Variants in GABRA2 observed in about 807,000 individuals in gnomAD.
The protein encoded by GABRA2 is gamma-aminobutyric acid type A receptor subunit alpha2.
GABRA2 carries 16 observed loss-of-function variants against 48.7 expected under a neutral mutation model. The observed-to-expected ratio is 0.33, with a 90% CI of 0.22 to 0.50. The LOEUF (loss-of-function observed/expected upper bound fraction) is 0.50, where lower values mean the gene tolerates loss of function less well. Among genes scored for constraint, GABRA2 ranks in the 20% least tolerant of loss-of-function variants. The pLI, the probability that GABRA2 is intolerant of heterozygous loss-of-function variation, is 0.98. For synonymous variants in GABRA2, 185 were observed against 184.5 expected (o/e 1.00, Z -0.02); for missense variants, 275 against 535.6 (o/e 0.51, Z 4.80).
At chr4:46,307,227 C>T (rs544021210) in intron 6 of GABRA2, among the ~76,000 whole-genome samples, 3 of 150,608 alleles carry the variant, frequency 2.0e-5, no homozygotes, top group South Asian at 4.2e-4. Flanking sequence ...TTGATTACAC[C>T]GAGAACATTA....
intron 3 of GABRA2, among the ~76,000 whole-genome samples, chr4:46,337,476 T>C (rs1732454145): frequency 6.6e-6 from 1 of 152,024 alleles, no homozygotes; most frequent in Admixed American, 6.6e-5. Context: ...AATACGAATG[T>C]TGTCTTTATA....
chr4:46,299,312 CTTCA>C (rs1272618177), intron 8 of GABRA2, among the ~76,000 whole-genome samples: 1 of 151,730 alleles, frequency 6.6e-6, no homozygotes, highest in East Asian at 1.9e-4. Flanking sequence ...TTACTATCCT[CTTCA>C]TTCACTCCTC....
chr4:46,327,611 C>T (rs1730613344), intron 4 of GABRA2, among the ~76,000 whole-genome samples: 1 of 152,022 alleles, frequency 6.6e-6, no homozygotes, highest in Non-Finnish European at 1.5e-5. Flanking sequence ...AGATTAAGTT[C>T]AGTGTCAATT....
chr4:46,279,278 T>C (rs1010933246), intron 8 of GABRA2, among the ~76,000 whole-genome samples: 1 of 152,152 alleles, frequency 6.6e-6, no homozygotes, highest in Non-Finnish European at 1.5e-5. Context: ...TTAACTCCCG[T>C]TGAATTGATG....
intron 3 of GABRA2, among the ~76,000 whole-genome samples, chr4:46,348,743 G>A (rs554841136): frequency 7.2e-6 from 1 of 139,566 alleles, no homozygotes; most frequent in East Asian, 2.2e-4. Context: ...CATGGACACA[G>A]GAAGGGGAAC....
intron 2 of GABRA2, chr4:46,386,746 G>A (rs1483212463): frequency 1.3e-5 from 2 of 153,408 alleles, no homozygotes; most frequent in Admixed American, 6.5e-5. Flanking sequence ...TGCAATATAA[G>A]CATCAGGGAA....
chr4:46,325,388 A>C (rs1378212735), intron 4 of GABRA2, among the ~76,000 whole-genome samples: 1 of 151,968 alleles, frequency 6.6e-6, no homozygotes, highest in Non-Finnish European at 1.5e-5. Flanking sequence ...TGTCATTTTA[A>C]GAAATGTCCT....
At chr4:46,356,885 G>A (rs935174451) in intron 3 of GABRA2, among the ~76,000 whole-genome samples, 2 of 152,120 alleles carry the variant, frequency 1.3e-5, no homozygotes, top group South Asian at 2.1e-4. Flanking sequence ...TGTGACAAGA[G>A]GGATTGGGAA....
In GABRA2 at chr4:46,329,511, T is replaced by C. The variant is rs117400406; in HGVS notation, c.255+3104A>G. Among the ~76,000 whole-genome samples, 10 of 152,236 alleles carry C rather than the reference T, an allele frequency of 6.6e-5. No individual in the cohort carries two copies. The East Asian group carries it at 1.7e-3, about 27-fold the overall frequency. On this transcript the variant is annotated intron_variant, in intron 4 of 9. Coordinates refer to ENST00000381620, the MANE Select transcript of GABRA2 (RefSeq NM_000807.4). ...TAGCTGCACGTTCCTGTAGCAGCAG[T>C]ATCCCTCCAGTGAGGTCAGAATTCA...
At chr4:46,296,887 T>C (rs916394823) in intron 8 of GABRA2, among the ~76,000 whole-genome samples, 2 of 152,324 alleles carry the variant, frequency 1.3e-5, no homozygotes, top group Middle Eastern at 3.4e-3. Context: ...TTTTCGTTTT[T>C]CATGCTGTAC....
intron 3 of GABRA2, among the ~76,000 whole-genome samples, chr4:46,380,944 G>C (rs189344526): frequency 1.1e-3 from 165 of 152,302 alleles, no homozygotes; most frequent in African/African-American, 3.7e-3. Flanking sequence ...CTAAGTCTGT[G>C]TTCAGACCTC....
intron 3 of GABRA2, among the ~76,000 whole-genome samples, chr4:46,349,646 C>A (rs2109899598): frequency 6.6e-6 from 1 of 152,014 alleles, no homozygotes; most frequent in Non-Finnish European, 1.5e-5. Flanking sequence ...GCCTTGTTGG[C>A]AATAGTACAA....
intron 5 of GABRA2, among the ~76,000 whole-genome samples, chr4:46,311,208 G>C (rs776776743): frequency 2.0e-4 from 30 of 152,170 alleles, no homozygotes; most frequent in Non-Finnish European, 4.0e-4. Flanking sequence ...AAGATTCAAA[G>C]GGAGAGACAG....
At chr4:46,350,855 T>A (rs1475479491) in intron 3 of GABRA2, among the ~76,000 whole-genome samples, 1 of 151,896 alleles carries the variant, frequency 6.6e-6, no homozygotes, top group Non-Finnish European at 1.5e-5. Flanking sequence ...AGTAGACAGA[T>A]TATGTCCATG....
At position 46,267,352 on chromosome 4, in the gene GABRA2, AT is replaced by A. The variant is rs1385403196; in HGVS notation, c.857-5225del. ...TTATTGGTAAAGTGTTTGAAACATC[AT>A]TATTATATTTTCCTTTAGTTCTTTC... On this transcript the variant is annotated intron_variant, in intron 8 of 9. Coordinates refer to ENST00000381620, the MANE Select transcript of GABRA2 (RefSeq NM_000807.4). Among the ~76,000 whole-genome samples the A allele has an allele frequency of 2.0e-5, 3 of 152,024 alleles. No individual in the cohort carries two copies. The East Asian group carries it at 5.8e-4, about 29-fold the overall frequency.
intron 7 of GABRA2, 73 bp from the exon 8 acceptor site, chr4:46,303,685 G>A (rs1560501943): frequency 2.3e-6 from 3 of 1,333,166 alleles, no homozygotes; most frequent in Non-Finnish European, 3.1e-6. Flanking sequence ...GAAGGGATCA[G>A]AGGTAGAACA....
chr4:46,301,098 C>G (rs1725658763), intron 8 of GABRA2, among the ~76,000 whole-genome samples: 1 of 152,064 alleles, frequency 6.6e-6, no homozygotes, highest in Admixed American at 6.6e-5. Context: ...TTAAAATTTG[C>G]AGTGAGGGTA....
At chr4:46,315,013 G>A (rs965374229) in intron 4 of GABRA2, among the ~76,000 whole-genome samples, 1 of 152,002 alleles carries the variant, frequency 6.6e-6, no homozygotes, top group Non-Finnish European at 1.5e-5. Context: ...CCAGTAATGC[G>A]ATTGCTGGGT....
intron 3 of GABRA2, among the ~76,000 whole-genome samples, chr4:46,347,096 C>A (rs200234827): frequency 6.6e-6 from 1 of 151,826 alleles, no homozygotes; most frequent in East Asian, 1.9e-4. Flanking sequence ...TTGAAAATGA[C>A]ACATATAAAT....
Sources: allele counts gnomAD v4.1 joint callset (sites outside exome capture counted in the v4.1 genomes callset), GRCh38; gene constraint gnomAD v4.1.1; transcripts MANE v1.5; gene names NCBI Gene and HGNC (gene_info 2026-07-23, HGNC 2026-07-21).